RPGR: variants seen among roughly 807,000 people sequenced by gnomAD.
RPGR encodes the protein retinitis pigmentosa GTPase regulator.
In RPGR, 10 loss-of-function variants were observed where a neutral mutation model predicts 56.3. That is an observed-to-expected ratio of 0.18 (90% CI 0.11 to 0.30). The LOEUF (loss-of-function observed/expected upper bound fraction) is 0.30. Among genes scored for constraint, RPGR ranks in the 10% least tolerant of loss-of-function variants. The pLI is 1.00. For synonymous variants in RPGR, 197 were observed against 212.9 expected, an observed-to-expected ratio of 0.93 and a Z score of 0.65; for missense variants, 538 against 590.9, an observed-to-expected ratio of 0.91 and a Z score of 0.93.
chrX:38,301,902 T>C (rs1210565782), intron 8 of RPGR, among the ~76,000 whole-genome samples: 2 of 111,333 alleles, frequency 1.8e-5, no homozygotes, highest in African/African-American at 6.5e-5. Flanking sequence ...GACAACTCCA[T>C]TCTGCAGTCA....
chrX:38,269,261 TAC>T lies in RPGR; in HGVS notation c.*363_*364del. 1 of 128,227 alleles carries T rather than the reference TAC, an allele frequency of 7.8e-6. No homozygotes were observed. Among genetic ancestry groups the T allele is most frequent in the Non-Finnish European group, 1.6e-5 (1 of 62,947 alleles). The allele number at this position is 128,227 out of a possible 1,213,427, so 10.6% of individuals were successfully genotyped here. A position where few individuals can be genotyped will look rare whatever the true frequency, so the allele number is the denominator to read the frequency against. On this transcript the variant is annotated 3_prime_UTR_variant, in exon 19 of 19. Coordinates refer to ENST00000642395, the MANE Select transcript of RPGR (RefSeq NM_000328.3). ...AAATTGTAAATACATCAAAAACTGT[TAC>T]AGTGTCGTAAGATTGCAAATATTGC...
At chrX:38,315,889 C>A (rs905403831) in intron 6 of RPGR, among the ~76,000 whole-genome samples, 1 of 106,119 alleles carries the variant, frequency 9.4e-6, no homozygotes, top group Non-Finnish European at 1.9e-5. Context: ...CTGTAGTACC[C>A]ACTATATATA....
At chrX:38,291,997 C>T (rs1249692763) in intron 11 of RPGR, among the ~76,000 whole-genome samples, 1 of 111,531 alleles carries the variant, frequency 9.0e-6, no homozygotes, top group East Asian at 2.8e-4. Context: ...CCCCCTCCAC[C>T]CCCAGCTACA....
chrX:38,287,359 T>C, intron 14 of RPGR, 114 bp from the exon 15 acceptor site: 3 of 1,111,354 alleles, frequency 2.7e-6, no homozygotes, highest in Non-Finnish European at 3.7e-6. Flanking sequence ...TATGTTTTGG[T>C]CAGTTTCCAC....
At chrX:38,325,895 C>T (rs2068039910) in intron 1 of RPGR, 2 of 112,112 alleles carry the variant, frequency 1.8e-5, no homozygotes, top group Admixed American at 1.9e-4. Context: ...AGGCCAGGTC[C>T]AGCTTTTGGG....
At chrX:38,312,399 T>C (rs749361722) in intron 6 of RPGR, among the ~76,000 whole-genome samples, 1 of 111,456 alleles carries the variant, frequency 9.0e-6, no homozygotes, top group African/African-American at 3.3e-5. Context: ...TTTCCAAATG[T>C]CTTTCCTACC....
At chrX:38,297,173 C>T (rs911060691) in intron 11 of RPGR, 111 bp downstream of exon 11, 3 of 820,851 alleles carry the variant, frequency 3.7e-6, no homozygotes, top group Non-Finnish European at 5.4e-6. Flanking sequence ...TAGGCTCTAA[C>T]CAGGGAGAGA....
intron 7 of RPGR, 41 bp from the exon 8 acceptor site, chrX:38,304,831 G>T (rs1236035920): frequency 5.2e-6 from 6 of 1,146,645 alleles, no homozygotes; most frequent in Non-Finnish European, 6.0e-6. Context: ...GATTATGGAA[G>T]CAGACACTGT....
chrX:38,287,237 C>T lies in RPGR; in HGVS notation c.1762G>A (p.Glu588Lys). ...GAATCCTCTGCTCCTTCCTTCTCCT[C>T]TGGGATCTCTGACAAGCGATCACAT... Residue 588 changes from glutamate to lysine, a missense_variant, in exon 15 of 19, where the codon GAG (glutamate) becomes AAG (lysine). Transcript: ENST00000642395. 1 of 1,209,968 alleles carries T rather than the reference C, an allele frequency of 8.3e-7. No individual in the cohort carries two copies. Among genetic ancestry groups the T allele is most frequent in the Non-Finnish European group, 1.1e-6 (1 of 895,400 alleles).
intron 9 of RPGR, 148 bp from the exon 10 acceptor site, chrX:38,299,289 G>C: frequency 1.8e-6 from 1 of 543,335 alleles, no homozygotes; most frequent in Admixed American, 2.7e-5. Flanking sequence ...ACGTATGTGT[G>C]TGCACAATGA....
At position 38,304,668 on chromosome X, in the gene RPGR, A is replaced by C. The variant is rs1569249637; in HGVS notation, c.901T>G (p.Ser301Ala). ...AAAGCTGTGTGATTTTCTCCACAAG[A>C]AATATAACTTATTGTTTGATCCCTA... The change falls in exon 8 of 19, where the codon TCT (serine) becomes GCT (alanine). Residue 301 changes from serine (S) to alanine (A), a missense_variant. Ser to Ala is a moderately conservative substitution (Grantham distance 99, BLOSUM62 1). This residue lies in a region of RPGR where 181 missense variants were observed against 265.1 expected (regional missense o/e 0.68). Transcript: ENST00000642395. 8.3e-7 allele frequency: 1 copy of C among 1,201,826 alleles called. No individual in the cohort carries two copies. The highest frequency in any genetic ancestry group is 1.1e-6 in the Non-Finnish European group (1 of 886,439).
At chrX:38,306,078 T>C (rs2067593132) in intron 7 of RPGR, among the ~76,000 whole-genome samples, 1 of 112,104 alleles carries the variant, frequency 8.9e-6, no homozygotes, top group Non-Finnish European at 1.9e-5. Context: ...TTTAGAGACA[T>C]CATGCTCCTG....
chrX:38,290,270 T>G (rs1254970657), intron 13 of RPGR, among the ~76,000 whole-genome samples: 2 of 111,642 alleles, frequency 1.8e-5, no homozygotes, highest in Non-Finnish European at 3.8e-5. Flanking sequence ...AATCCTCTAA[T>G]CCCTCATTCA....
intron 8 of RPGR, among the ~76,000 whole-genome samples, chrX:38,303,085 C>A (rs1264748024): frequency 9.0e-6 from 1 of 111,582 alleles, no homozygotes; most frequent in Non-Finnish European, 1.9e-5. Context: ...CTCCTTATCA[C>A]CTTTATCCCT....
chrX:38,318,052 TA>T (rs1256766324), intron 5 of RPGR, among the ~76,000 whole-genome samples: 1 of 112,033 alleles, frequency 8.9e-6, no homozygotes, highest in Non-Finnish European at 1.9e-5. Flanking sequence ...TAATTTCTGA[TA>T]AGGGTTTTGA....
At chrX:38,269,988 A>C (rs1352138522) in intron 18 of RPGR, among the ~76,000 whole-genome samples, 1 of 111,871 alleles carries the variant, frequency 8.9e-6, no homozygotes, top group Non-Finnish European at 1.9e-5. Context: ...AGCATCTGTT[A>C]GAGTTTTTCC....
At chrX:38,302,211 C>A (rs2067514138) in intron 8 of RPGR, among the ~76,000 whole-genome samples, 1 of 111,565 alleles carries the variant, frequency 9.0e-6, no homozygotes, top group African/African-American at 3.3e-5. Context: ...CGCTCCATCT[C>A]AACTGGGGTA....
intron 6 of RPGR, among the ~76,000 whole-genome samples, chrX:38,312,873 G>A (rs1406497043): frequency 9.1e-6 from 1 of 110,483 alleles, no homozygotes; most frequent in African/African-American, 3.3e-5. Flanking sequence ...AGCCCAGAAG[G>A]TCTAGGCTAC....
At chrX:38,272,458 T>C (rs2066860752) in intron 18 of RPGR, 1 of 110,664 alleles carries the variant, frequency 9.0e-6, no homozygotes, top group Admixed American at 9.6e-5. Flanking sequence ...CCAGGCATGG[T>C]GGCACATGCC....
Sources: gnomAD v4.1 joint callset for allele counts (sites outside exome capture counted in the v4.1 genomes callset) on GRCh38, gnomAD v4.1.1 for gene constraint, gnomAD v4.1.1 regional missense constraint, MANE v1.5 for transcripts, NCBI Gene and HGNC (gene_info 2026-07-23, HGNC 2026-07-21) for gene names.